The following DNAJC15 variants were observed in gnomAD, a reference collection of about 807,000 sequenced individuals.
The protein encoded by DNAJC15 is dnaJ homolog subfamily C member 15.
Under a neutral mutation model 22.4 loss-of-function variants are expected in DNAJC15, and 27 were observed. The ratio of observed to expected loss-of-function variants is 1.20; its 90% CI spans 0.89 to 1.66. The LOEUF (loss-of-function observed/expected upper bound fraction) is 1.66. Among genes scored for constraint, DNAJC15 ranks in the 40% most tolerant of loss-of-function variants. The pLI, the probability that DNAJC15 is intolerant of heterozygous loss-of-function variation, is 0.00. For missense variants in DNAJC15, 208 were observed against 187.1 expected (o/e 1.11, Z -0.65); for synonymous variants, 79 against 63.2 (o/e 1.25, Z -1.19).
chr13:43,053,514 T>C lies in DNAJC15; in HGVS notation c.109-12172T>C, dbSNP rs553479826. Reference sequence around the variant, plus strand: ...TTTGGCAGTACAGTCATTTTCACAATATTGATTCTATCCATCCATGGGCAT... The same window carrying C: ...TTTGGCAGTACAGTCATTTTCACAACATTGATTCTATCCATCCATGGGCAT... On this transcript the variant is annotated intron_variant, in intron 1 of 5. Coordinates refer to ENST00000379221, the MANE Select transcript of DNAJC15 (RefSeq NM_013238.3). Among the ~76,000 whole-genome samples, 4 of 152,354 alleles carry C rather than the reference T, an allele frequency of 2.6e-5. No homozygotes were observed. The South Asian group carries it at 6.2e-4, about 24-fold the overall frequency.
chr13:43,079,053 GTTC>G (rs2040649415), intron 4 of DNAJC15, among the ~76,000 whole-genome samples: 1 of 152,000 alleles, frequency 6.6e-6, no homozygotes, highest in Non-Finnish European at 1.5e-5. Context: ...ATGTTTCATA[GTTC>G]TTTTCTGCTT....
chr13:43,102,784 A>C (rs1195156501), intron 5 of DNAJC15, among the ~76,000 whole-genome samples: 7 of 152,016 alleles, frequency 4.6e-5, no homozygotes, highest in African/African-American at 1.7e-4. Flanking sequence ...TGCTCATGAG[A>C]GATCTGGGTC....
chr13:43,052,738 A>G (rs1319483857), intron 1 of DNAJC15, among the ~76,000 whole-genome samples: 1 of 152,036 alleles, frequency 6.6e-6, no homozygotes, highest in East Asian at 1.9e-4. Context: ...TTTTGATGGC[A>G]TTATTTGTTT....
At chr13:43,038,505 TG>T (rs1701989545) in intron 1 of DNAJC15, among the ~76,000 whole-genome samples, 1 of 152,096 alleles carries the variant, frequency 6.6e-6, no homozygotes, top group Non-Finnish European at 1.5e-5. Context: ...AAAATACGAC[TG>T]GGGAGGCCAG....
At chr13:43,090,769 GC>G (rs1281420493) in intron 5 of DNAJC15, among the ~76,000 whole-genome samples, 1 of 145,594 alleles carries the variant, frequency 6.9e-6, no homozygotes, top group Non-Finnish European at 1.5e-5. Flanking sequence ...GTGCAGTGTT[GC>G]GATCTTGGCT....
intron 4 of DNAJC15, among the ~76,000 whole-genome samples, chr13:43,079,799 A>G (rs1444395284): frequency 6.6e-6 from 1 of 152,156 alleles, no homozygotes; most frequent in Non-Finnish European, 1.5e-5. Flanking sequence ...ACAGGAGTTG[A>G]CTGTATTTTT....
At chr13:43,082,843 CCT>C (rs1491495471) in intron 4 of DNAJC15, among the ~76,000 whole-genome samples, 1 of 106,362 alleles carries the variant, frequency 9.4e-6, no homozygotes, top group African/African-American at 3.1e-5. Context: ...AGAACATTCA[CCT>C]ATATATATAT....
chr13:43,072,888 A>G (rs1359165993), intron 3 of DNAJC15, among the ~76,000 whole-genome samples: 1 of 152,190 alleles, frequency 6.6e-6, no homozygotes, highest in Admixed American at 6.5e-5. Context: ...TCTAACTTCC[A>G]AGGATTCTTT....
chr13:43,085,552 T>C (rs1397375651), intron 4 of DNAJC15, among the ~76,000 whole-genome samples: 2 of 152,156 alleles, frequency 1.3e-5, no homozygotes, highest in African/African-American at 2.4e-5. Flanking sequence ...AGAATAAGGA[T>C]TGGCATTACA....
chr13:43,075,980 G>T (rs1456304224), intron 3 of DNAJC15, among the ~76,000 whole-genome samples: 2 of 151,900 alleles, frequency 1.3e-5, no homozygotes, highest in Non-Finnish European at 2.9e-5. Flanking sequence ...CTTTCCATTT[G>T]TATCTGTATC....
At chr13:43,078,100 C>T (rs987960488) in intron 3 of DNAJC15, among the ~76,000 whole-genome samples, 1 of 152,162 alleles carries the variant, frequency 6.6e-6, no homozygotes, top group African/African-American at 2.4e-5. Flanking sequence ...TATCTCGAGT[C>T]CTCCTTTTCT....
intron 4 of DNAJC15, 83 bp from the exon 5 acceptor site, chr13:43,085,685 A>AATTT: frequency 8.8e-7 from 1 of 1,136,306 alleles, no homozygotes; most frequent in South Asian, 1.5e-5. Context: ...ATTAGGTATA[A>AATTT]TTTTTTGAAA....
At chr13:43,100,307 A>G (rs565357451) in intron 5 of DNAJC15, among the ~76,000 whole-genome samples, 1 of 147,580 alleles carries the variant, frequency 6.8e-6, no homozygotes, top group Admixed American at 7.0e-5. Flanking sequence ...TCCTGGGCTT[A>G]AGTGATCCTT....
chr13:43,054,522 C>T (rs192482472), intron 1 of DNAJC15, among the ~76,000 whole-genome samples: 153 of 152,228 alleles, frequency 1.0e-3, no homozygotes, highest in African/African-American at 3.5e-3. Flanking sequence ...AGCTGTAAAT[C>T]CATCTGGTCC....
chr13:43,108,646 G>T lies in DNAJC15; in HGVS notation c.*1398G>T, dbSNP rs2040810102. 6.6e-6 allele frequency: 1 copy of T among 151,916 alleles called. No individual in the cohort carries two copies. Among genetic ancestry groups the T allele is most frequent in the Admixed American group, 6.6e-5 (1 of 15,202 alleles). The allele number at this position is 151,916 out of a possible 1,614,324, so 9.4% of individuals were successfully genotyped here. A position where few individuals can be genotyped will look rare whatever the true frequency, so the allele number is the denominator to read the frequency against. ...GGCCAAATAATTTTTTTTGTGGGAG[G>T]TCTCTTGTGCGTTTTAGATGATTAG... is the stretch of plus-strand genomic sequence containing the variant. On this transcript the variant is annotated 3_prime_UTR_variant, in exon 6 of 6. Coordinates refer to ENST00000379221, the MANE Select transcript of DNAJC15 (RefSeq NM_013238.3).
rs1193508422 is a variant in DNAJC15, at chr13:43,085,767, GC to G, written c.314del (p.Pro105HisfsTer16). 6.2e-7 allele frequency: 1 copy of G among 1,611,414 alleles called. No individual in the cohort carries two copies. ...ATAAGCACTGTAATTTCTTTTTACA[GC>G]CCATCTGCTGGCAAGGCTAAGATTA... ...RREAGLILGV[S>X]PSAGKAKIRT... On this transcript the variant is annotated frameshift_variant and splice_region_variant, in exon 5 of 6. Coordinates refer to ENST00000379221, the MANE Select transcript of DNAJC15 (RefSeq NM_013238.3). LOFTEE classifies it high-confidence loss of function.
At chr13:43,050,650 TTTTG>T (rs1272883498) in intron 1 of DNAJC15, among the ~76,000 whole-genome samples, 3 of 152,288 alleles carry the variant, frequency 2.0e-5, no homozygotes, top group South Asian at 2.1e-4. Context: ...CTAAATATGT[TTTTG>T]TTTGTTTACT....
chr13:43,101,496 G>T (rs2040768905), intron 5 of DNAJC15, among the ~76,000 whole-genome samples: 1 of 152,184 alleles, frequency 6.6e-6, no homozygotes, highest in African/African-American at 2.4e-5. Flanking sequence ...TGATTTCTGA[G>T]ATTTTGGTGC....
intron 5 of DNAJC15, among the ~76,000 whole-genome samples, chr13:43,088,313 G>T (rs969045092): frequency 6.6e-6 from 1 of 152,168 alleles, no homozygotes; most frequent in African/African-American, 2.4e-5. Flanking sequence ...CACCTTTGCC[G>T]TAGCTTGAGA....
Sources: allele counts gnomAD v4.1 joint callset (sites outside exome capture counted in the v4.1 genomes callset), GRCh38; gene constraint gnomAD v4.1.1; transcripts MANE v1.5; gene names NCBI Gene and HGNC (gene_info 2026-07-23, HGNC 2026-07-21).